Variants in PITPNM3 observed in about 807,000 individuals in gnomAD.
The protein encoded by PITPNM3 is PITPNM family member 3.
A neutral mutation model predicts 102.0 loss-of-function variants in PITPNM3; 26 were observed. The ratio of observed to expected loss-of-function variants is 0.25; its 90% CI spans 0.19 to 0.35. The LOEUF is 0.35. Among genes scored for constraint, PITPNM3 ranks in the 10% least tolerant of loss-of-function variants. The pLI, the probability that PITPNM3 is intolerant of heterozygous loss-of-function variation, is 1.00. For synonymous variants in PITPNM3, 578 were observed against 558.6 expected (o/e 1.03, Z -0.49); for missense variants, 1,083 against 1,346.1 (o/e 0.80, Z 3.06).
In PITPNM3 at chr17:6,537,305, C is replaced by T. The variant is rs1437730273; in HGVS notation, c.118+682G>A. On this transcript the variant is annotated intron_variant, in intron 2 of 19. Coordinates refer to ENST00000262483, the MANE Select transcript of PITPNM3 (RefSeq NM_031220.4). This position sits in a 1 kb window ranked among gnomAD's most constrained non-coding sequence, Gnocchi z 4.4. The stretch of plus-strand genomic sequence containing the variant: ...ACAGAGTATCGCTCTGTCTGCAGTG[C>T]CATCTCGGCTCACTGCAACCTCTGC... Among the ~76,000 whole-genome samples, 1 of 145,980 alleles carries T rather than the reference C, an allele frequency of 6.9e-6. No individual in the cohort carries two copies. The highest frequency in any genetic ancestry group is 2.0e-4 in the East Asian group (1 of 5,060).
At chr17:6,551,735 ATTT>A (rs199818713) in intron 1 of PITPNM3, among the ~76,000 whole-genome samples, 7 of 149,602 alleles carry the variant, frequency 4.7e-5, no homozygotes, top group African/African-American at 1.5e-4. Context: ...TATTAAAAAA[ATTT>A]TTTTTTTTTT....
At chr17:6,501,212 G>C (rs1212135384) in intron 4 of PITPNM3, among the ~76,000 whole-genome samples, 1 of 152,170 alleles carries the variant, frequency 6.6e-6, no homozygotes, top group Non-Finnish European at 1.5e-5. Context: ...GCTCAGAAGG[G>C]GAGATGATTG....
rs1913885218 is a variant in PITPNM3, at chr17:6,452,369, G to A, written c.*2969C>T. On this transcript the variant is annotated 3_prime_UTR_variant, in exon 20 of 20. Coordinates refer to ENST00000262483, the MANE Select transcript of PITPNM3 (RefSeq NM_031220.4). Reference sequence around the variant, plus strand: ...AGGCCCTCGGCTACGACAGCCACCGGATCGGGAAGAACAAACATGCCACGC... The same window carrying A: ...AGGCCCTCGGCTACGACAGCCACCGAATCGGGAAGAACAAACATGCCACGC... 1 of 152,228 alleles carries A rather than the reference G, an allele frequency of 6.6e-6. No homozygotes were observed. The highest frequency in any genetic ancestry group is 2.1e-4 in the South Asian group (1 of 4,836). The allele number at this position is 152,228 out of a possible 1,614,324, so 9.4% of individuals were successfully genotyped here.
intron 3 of PITPNM3, among the ~76,000 whole-genome samples, chr17:6,513,495 C>T (rs1196736894): frequency 6.6e-6 from 1 of 152,124 alleles, no homozygotes; most frequent in African/African-American, 2.4e-5. Flanking sequence ...TATATTTCAA[C>T]ACACTTGCAA....
Position 6,472,885 on chromosome 17 carries a change from T to TA in PITPNM3, c.1259-59dup. 1 of 1,583,376 alleles carries TA rather than the reference T, an allele frequency of 6.3e-7. No individual in the cohort carries two copies. Among genetic ancestry groups the TA allele is most frequent in the South Asian group, 1.1e-5 (1 of 89,020 alleles). ...TTTCTAGTACCTGCTCCCTGGGCCC[T>TA]AGGAGGCTCCCTGGAATGCAGCCTG... is the stretch of plus-strand genomic sequence containing the variant. On this transcript the variant is annotated intron_variant, in intron 10 of 19. Coordinates refer to ENST00000262483, the MANE Select transcript of PITPNM3 (RefSeq NM_031220.4). This position sits in a 1 kb window ranked among gnomAD's most constrained non-coding sequence, Gnocchi z 4.1.
chr17:6,520,903 T>C (rs1419663800), intron 3 of PITPNM3, among the ~76,000 whole-genome samples: 1 of 152,190 alleles, frequency 6.6e-6, no homozygotes, highest in Non-Finnish European at 1.5e-5. Flanking sequence ...AAATACTGAA[T>C]GATCCCACAT....
chr17:6,458,775 C>T lies in PITPNM3; in HGVS notation c.2491-1053G>A, dbSNP rs1383792995. Among the ~76,000 whole-genome samples, 1 of 152,056 alleles carries T rather than the reference C, an allele frequency of 6.6e-6. No individual in the cohort carries two copies. The highest frequency in any genetic ancestry group is 1.5e-5 in the Non-Finnish European group (1 of 68,020). ...GCCTCCACCCCGGATTCTCTCACCC[C>T]TTCATCCTCCTCCCACACCTGCCCG... On this transcript the variant is annotated intron_variant, in intron 18 of 19. Coordinates refer to ENST00000262483, the MANE Select transcript of PITPNM3 (RefSeq NM_031220.4). The surrounding 1 kb of genome is among the most constrained non-coding windows in gnomAD (Gnocchi z 5.1).
chr17:6,516,580 C>G lies in PITPNM3; in HGVS notation c.226+8776G>C, dbSNP rs201707155. ...CTCCGCCTCAAAAAAAAAAAAAAAA[C>G]AAAGAAAGAAAGAAATACTTGAAGA... On this transcript the variant is annotated intron_variant, in intron 3 of 19. Coordinates refer to ENST00000262483, the MANE Select transcript of PITPNM3 (RefSeq NM_031220.4). Among the ~76,000 whole-genome samples, 30 of 122,780 alleles carry G rather than the reference C, an allele frequency of 2.4e-4. No individual in the cohort carries two copies. The East Asian group carries it at 6.2e-3, about 25-fold the overall frequency. The allele number at this position is 122,780 out of a possible 152,430, so 80.5% of individuals were successfully genotyped here. A position where few individuals can be genotyped will look rare whatever the true frequency, so the allele number is the denominator to read the frequency against.
At chr17:6,538,971 G>A (rs1909591048) in intron 1 of PITPNM3, among the ~76,000 whole-genome samples, 1 of 152,180 alleles carries the variant, frequency 6.6e-6, no homozygotes, top group African/African-American at 2.4e-5. Context: ...CCAGATCCCA[G>A]AGCATAAACT....
intron 4 of PITPNM3, among the ~76,000 whole-genome samples, chr17:6,493,680 C>T (rs1159040405): frequency 2.6e-5 from 4 of 152,334 alleles, no homozygotes; most frequent in East Asian, 1.9e-4. Flanking sequence ...AATCTAATCA[C>T]GTCCACCTGG....
Position 6,455,512 on chromosome 17 carries a change from C to G in PITPNM3, c.2751G>C (p.Leu917=). The G allele has an allele frequency of 6.2e-7, 1 of 1,605,876 alleles. No individual in the cohort carries two copies. ...TTCTGCGCAGGTGGTTGCGCTTCCG[C>G]AGGAACTCTGGCTGCGCGTGCAGCC... is the stretch of plus-strand genomic sequence containing the variant. ...SFGLHAQPEF[L]RKRNHLRRTM... Residue 917 remains leucine (L), a synonymous_variant, in exon 20 of 20, where the codon CTG becomes CTC. Transcript: ENST00000262483.
At chr17:6,463,427 C>G (rs982389045) in intron 17 of PITPNM3, among the ~76,000 whole-genome samples, 3 of 133,810 alleles carry the variant, frequency 2.2e-5, no homozygotes, top group East Asian at 2.1e-4. Context: ...GGGAGGGAGG[C>G]AGGGAGGGAA....
At chr17:6,555,972 G>C (rs1910581203) in intron 1 of PITPNM3, among the ~76,000 whole-genome samples, 1 of 152,168 alleles carries the variant, frequency 6.6e-6, no homozygotes, top group Non-Finnish European at 1.5e-5. Flanking sequence ...TGGATGGAGA[G>C]AGCTGCAGGA....
chr17:6,535,890 T>C (rs1909390469), intron 2 of PITPNM3, among the ~76,000 whole-genome samples: 2 of 151,720 alleles, frequency 1.3e-5, no homozygotes, highest in Admixed American at 1.3e-4. Flanking sequence ...AAACCCTGTC[T>C]CTACTAAAAC....
chr17:6,553,805 G>A (rs1212109542), intron 1 of PITPNM3, among the ~76,000 whole-genome samples: 1 of 151,664 alleles, frequency 6.6e-6, no homozygotes, highest in Non-Finnish European at 1.5e-5. Context: ...CTGCCCATCC[G>A]AGGCAGGTGG....
rs1054825592 is a variant in PITPNM3, at chr17:6,493,085, G to A, written c.275-8793C>T. Among the ~76,000 whole-genome samples, 7 of 152,150 alleles carry A rather than the reference G, an allele frequency of 4.6e-5. No individual in the cohort carries two copies. In the East Asian group the frequency reaches 5.8e-4, roughly 13 times the overall value. On this transcript the variant is annotated intron_variant, in intron 4 of 19. Coordinates refer to ENST00000262483, the MANE Select transcript of PITPNM3 (RefSeq NM_031220.4). The stretch of plus-strand genomic sequence containing the variant: ...AAGAGTAGGTCATGTGACCAAGGTC[G>A]GGTCAATGACAAAGACCTAGGTCAT...
At chr17:6,461,300 G>C in intron 18 of PITPNM3, 73 bp downstream of exon 18, 2 of 1,529,344 alleles carry the variant, frequency 1.3e-6, no homozygotes, top group Non-Finnish European at 1.8e-6. Context: ...CCGGGAGGAG[G>C]GAGATGGGGA....
intron 2 of PITPNM3, among the ~76,000 whole-genome samples, chr17:6,531,672 G>A (rs1324957583): frequency 6.6e-6 from 1 of 152,192 alleles, no homozygotes; most frequent in Non-Finnish European, 1.5e-5. Context: ...CGTGTCCAGA[G>A]GACACCCACT....
At chr17:6,522,314 A>G (rs1297733186) in intron 3 of PITPNM3, among the ~76,000 whole-genome samples, 1 of 151,944 alleles carries the variant, frequency 6.6e-6, no homozygotes, top group Non-Finnish European at 1.5e-5. Context: ...ACACACACAC[A>G]GAGCAGAATT....
Sources: allele counts gnomAD v4.1 joint callset (sites outside exome capture counted in the v4.1 genomes callset), GRCh38; gene constraint gnomAD v4.1.1; non-coding constraint Gnocchi (gnomAD v3.1); transcripts MANE v1.5; gene names NCBI Gene and HGNC (gene_info 2026-07-23, HGNC 2026-07-21).